Variants in STPG2 observed in about 807,000 individuals in gnomAD.
STPG2 encodes the protein sperm-tail PG-rich repeat-containing protein 2.
In STPG2, 56 loss-of-function variants were observed where a neutral mutation model predicts 54.2. The ratio of observed to expected loss-of-function variants is 1.03; its 90% CI spans 0.83 to 1.29. STPG2 has a LOEUF of 1.29. STPG2 is among the 50% of genes most tolerant of loss of function. STPG2 has a pLI of 0.00. For synonymous variants in STPG2, 200 were observed against 181.8 expected (o/e 1.10, Z -0.81); for missense variants, 596 against 544.9 (o/e 1.09, Z -0.93).
intron 5 of STPG2, among the ~76,000 whole-genome samples, chr4:98,072,136 T>C (rs1016557718): frequency 3.9e-5 from 6 of 152,088 alleles, no homozygotes; most frequent in African/African-American, 1.4e-4. Context: ...CTATTCACAA[T>C]AGCAAAGATA....
chr4:97,694,533 G>T lies in STPG2; in HGVS notation c.1320+18166C>A, dbSNP rs552538022. The stretch of plus-strand genomic sequence containing the variant: ...ACTTGAAAAGTTACCAACAGGCCAG[G>T]TGCAGTGGCTCACGCCTGTAATCCC... On this transcript the variant is annotated intron_variant, in intron 10 of 10. Transcript: ENST00000295268. Among the ~76,000 whole-genome samples the T allele has an allele frequency of 2.6e-4, 39 of 152,092 alleles. No homozygotes were observed. In the East Asian group the frequency reaches 4.8e-3, roughly 19 times the overall value.
At chr4:97,963,783 T>A (rs566251282) in intron 7 of STPG2, among the ~76,000 whole-genome samples, 20 of 151,788 alleles carry the variant, frequency 1.3e-4, no homozygotes, top group African/African-American at 4.8e-4. Flanking sequence ...ACAATAGAAA[T>A]TAAAGACAAA....
intron 8 of STPG2, among the ~76,000 whole-genome samples, chr4:97,896,666 G>A (rs946275676): frequency 2.0e-5 from 3 of 151,374 alleles, no homozygotes; most frequent in African/African-American, 7.3e-5. Context: ...TTGAATTATG[G>A]GACATCTTTA....
chr4:98,082,466 T>G, intron 5 of STPG2, among the ~76,000 whole-genome samples: 1 of 73,818 alleles, frequency 1.4e-5, no homozygotes, highest in Non-Finnish European at 2.7e-5. Context: ...TTTTTTTTTT[T>G]TTTTTTTTTT....
intron 8 of STPG2, among the ~76,000 whole-genome samples, chr4:97,925,677 C>T (rs1732307958): frequency 6.6e-6 from 1 of 152,100 alleles, no homozygotes; most frequent in South Asian, 2.1e-4. Flanking sequence ...GTGAGAGTAA[C>T]AAAATACAGT....
intron 8 of STPG2, among the ~76,000 whole-genome samples, chr4:97,892,425 G>C (rs1350756301): frequency 6.6e-6 from 1 of 152,042 alleles, no homozygotes; most frequent in African/African-American, 2.4e-5. Context: ...ATAGTTACAA[G>C]TTCCTAATAC....
chr4:97,657,951 G>T (rs181709048), intron 10 of STPG2, among the ~76,000 whole-genome samples: 1 of 152,266 alleles, frequency 6.6e-6, no homozygotes, highest in African/African-American at 2.4e-5. Context: ...GAGAAACATG[G>T]TCAAAACTGC....
chr4:97,781,017 A>T (rs999708440), intron 9 of STPG2, among the ~76,000 whole-genome samples: 3 of 152,188 alleles, frequency 2.0e-5, no homozygotes, highest in Admixed American at 2.0e-4. Context: ...TCAAAATTAA[A>T]AGAACTAGAG....
chr4:97,861,085 C>A (rs1346455681), intron 8 of STPG2, among the ~76,000 whole-genome samples: 1 of 152,094 alleles, frequency 6.6e-6, no homozygotes, highest in Non-Finnish European at 1.5e-5. Context: ...AAAATATTTA[C>A]AAACTATCCA....
At position 97,581,483 on chromosome 4, in the gene STPG2, TTAGATTA is replaced by T. The variant is rs1352721456; in HGVS notation, c.1321-22373_1321-22367del. ...TAAAAGCAGATTAGGCAGTGTAAGT[TTAGATTA>T]ATTTATACTTAACTAATAATGATGA... On this transcript the variant is annotated intron_variant, in intron 10 of 10. Transcript: ENST00000295268. Among the ~76,000 whole-genome samples, 3 of 152,258 alleles carry T rather than the reference TTAGATTA, an allele frequency of 2.0e-5. No homozygotes were observed. The East Asian group carries it at 5.8e-4, about 29-fold the overall frequency.
intron 8 of STPG2, among the ~76,000 whole-genome samples, chr4:97,939,290 T>C (rs1732886265): frequency 1.4e-5 from 2 of 146,820 alleles, no homozygotes; most frequent in Middle Eastern, 3.5e-3. Flanking sequence ...TATTCTCTTG[T>C]TTGGGGGTGG....
intron 10 of STPG2, among the ~76,000 whole-genome samples, chr4:97,565,071 C>T (rs1174409245): frequency 6.6e-6 from 1 of 152,146 alleles, no homozygotes; most frequent in Non-Finnish European, 1.5e-5. Flanking sequence ...TCAGGTACAC[C>T]AATCAGACGT....
At chr4:97,994,539 C>T (rs907877884) in intron 5 of STPG2, among the ~76,000 whole-genome samples, 7 of 152,108 alleles carry the variant, frequency 4.6e-5, no homozygotes, top group South Asian at 2.1e-4. Context: ...AGGGATGTGG[C>T]TTCCTGAGAC....
intron 9 of STPG2, among the ~76,000 whole-genome samples, chr4:97,739,952 CA>C (rs1368429130): frequency 2.0e-5 from 3 of 151,860 alleles, no homozygotes; most frequent in Non-Finnish European, 2.9e-5. Flanking sequence ...AACATTGATG[CA>C]AAAATCCTCA....
chr4:98,053,136 C>T (rs1737377898), intron 5 of STPG2, among the ~76,000 whole-genome samples: 1 of 152,118 alleles, frequency 6.6e-6, no homozygotes, highest in Non-Finnish European at 1.5e-5. Flanking sequence ...CCCATTTATA[C>T]CATACCTTTC....
At chr4:97,547,134 AGG>A (rs1482949491) in intron 4 of STPG2, among the ~76,000 whole-genome samples, 1 of 152,170 alleles carries the variant, frequency 6.6e-6, no homozygotes, top group Non-Finnish European at 1.5e-5. Flanking sequence ...AAAGGGTAAA[AGG>A]GCTAGAGAGA....
intron 4 of STPG2, among the ~76,000 whole-genome samples, chr4:97,482,846 T>G (rs1730258677): frequency 6.6e-6 from 1 of 151,596 alleles, no homozygotes; most frequent in African/African-American, 2.4e-5. Flanking sequence ...CCTATCAGAT[T>G]AACAGCAGAT....
intron 4 of STPG2, among the ~76,000 whole-genome samples, chr4:97,539,557 C>A (rs1379418109): frequency 6.6e-6 from 1 of 152,118 alleles, no homozygotes; most frequent in Non-Finnish European, 1.5e-5. Flanking sequence ...TCCTTAGAAA[C>A]CTACAAAGAG....
chr4:97,927,423 C>T (rs1363879666), intron 8 of STPG2, among the ~76,000 whole-genome samples: 1 of 152,002 alleles, frequency 6.6e-6, no homozygotes, highest in Non-Finnish European at 1.5e-5. Flanking sequence ...ACTGCCTTTC[C>T]CACTAACCTG....
Sources: gnomAD v4.1 joint callset for allele counts (sites outside exome capture counted in the v4.1 genomes callset) on GRCh38, gnomAD v4.1.1 for gene constraint, MANE v1.5 for transcripts, NCBI Gene and HGNC (gene_info 2026-07-23, HGNC 2026-07-21) for gene names.